QRICH1: variants seen among roughly 807,000 people sequenced by gnomAD.
QRICH1 encodes the protein glutamine rich 1.
A neutral mutation model predicts 87.1 loss-of-function variants in QRICH1; 16 were observed. The observed-to-expected ratio is 0.18, with a 90% CI of 0.12 to 0.28. QRICH1 has a LOEUF of 0.28. QRICH1 is among the 10% of genes least tolerant of loss of function. The pLI, the probability that QRICH1 is intolerant of heterozygous loss-of-function variation, is 1.00. For missense variants in QRICH1, 647 were observed against 951.7 expected, an observed-to-expected ratio of 0.68 and a Z score of 4.21; for synonymous variants, 367 against 368.4, an observed-to-expected ratio of 1.00 and a Z score of 0.05.
chr3:49,084,266 T>C (rs1182694537), intron 1 of QRICH1, among the ~76,000 whole-genome samples: 1 of 151,808 alleles, frequency 6.6e-6, no homozygotes, highest in East Asian at 2.0e-4. Flanking sequence ...TTTATTTTTA[T>C]TTTTATTGAG....
chr3:49,049,426 C>CA (rs2093357538), intron 3 of QRICH1, among the ~76,000 whole-genome samples: 1 of 151,884 alleles, frequency 6.6e-6, no homozygotes, highest in African/African-American at 2.4e-5. Context: ...GCCTGGGTGA[C>CA]ACAGAAAGAT....
At chr3:49,031,678 T>C (rs993145407) in intron 9 of QRICH1, among the ~76,000 whole-genome samples, 1 of 152,184 alleles carries the variant, frequency 6.6e-6, no homozygotes, top group African/African-American at 2.4e-5. Flanking sequence ...AGAGGCATAA[T>C]ATGATGTCCT....
chr3:49,058,510 G>C (rs1038737216), intron 2 of QRICH1, among the ~76,000 whole-genome samples: 4 of 152,086 alleles, frequency 2.6e-5, no homozygotes, highest in African/African-American at 9.7e-5. Flanking sequence ...ATTTTTAGTA[G>C]AGACGAGGTT....
chr3:49,076,632 TGATG>T (rs140760957), intron 2 of QRICH1, 73 bp downstream of exon 2: 128,012 of 1,305,500 alleles, frequency 0.098, 6,850 homozygotes, highest in Non-Finnish European at 0.11. Flanking sequence ...CACATAGATG[TGATG>T]AGCCCACTAA....
At chr3:49,076,049 C>G (rs2041944722) in intron 2 of QRICH1, among the ~76,000 whole-genome samples, 1 of 152,056 alleles carries the variant, frequency 6.6e-6, no homozygotes, top group Non-Finnish European at 1.5e-5. Context: ...CAAGACCAGC[C>G]TGGCCAACAT....
chr3:49,040,697 T>C (rs1438426770), intron 6 of QRICH1, among the ~76,000 whole-genome samples: 4 of 152,210 alleles, frequency 2.6e-5, no homozygotes, highest in Admixed American at 6.6e-5. Context: ...AAAACTCGGA[T>C]ATTTGCGTGA....
rs898900268 is a variant in QRICH1 at position 49,093,914 on chromosome 3, G to A, written c.-24C>T. On this transcript the variant is annotated splice_region_variant and 5_prime_UTR_variant, in exon 1 of 10. Coordinates refer to ENST00000395443, the MANE Select transcript of QRICH1 (RefSeq NM_198880.3). Reference sequence around the variant, plus strand: ...CCCACCCGCACTGGAGCCCTCACCCGGCGACGTCACTGCCGCCGCCGCCGC... The same window carrying A: ...CCCACCCGCACTGGAGCCCTCACCCAGCGACGTCACTGCCGCCGCCGCCGC... The A allele has an allele frequency of 1.3e-5, 2 of 159,522 alleles. No individual in the cohort carries two copies. The highest frequency in any genetic ancestry group is 2.8e-5 in the African/African-American group (1 of 36,210). The allele number at this position is 159,522 out of a possible 1,614,324, so 9.9% of individuals were successfully genotyped here.
At position 49,056,905 on chromosome 3, in the gene QRICH1, G is replaced by A; in HGVS notation, c.1295C>T (p.Pro432Leu). ...TTGCTGCTGCTGCTGCTGTGGTGGTGGTGTCTGTTCCTGGGGAGTTTGCTG... is the reference window on the plus strand; with the variant it reads ...TTGCTGCTGCTGCTGCTGTGGTGGTAGTGTCTGTTCCTGGGGAGTTTGCTG... ...PQQQTPQEQT[P>L]PPQQQQQQLQ... The change falls in exon 3 of 10, where the codon CCA becomes CTA. Residue 432 changes from proline to leucine, a missense_variant. Around this residue, in one of 7 missense-constraint regions of QRICH1, gnomAD observed 115 missense variants for 126.8 expected, o/e 0.91. Transcript: ENST00000395443. The A allele has an allele frequency of 6.2e-7, 1 of 1,614,066 alleles. No individual in the cohort carries two copies. Among genetic ancestry groups the A allele is most frequent in the Non-Finnish European group, 8.5e-7 (1 of 1,179,940 alleles).
Position 49,088,243 on chromosome 3 carries a change from G to A in QRICH1, c.-22+5669C>T, listed in dbSNP as rs1007525684. Among the ~76,000 whole-genome samples, 7 of 152,020 alleles carry A rather than the reference G, an allele frequency of 4.6e-5. No homozygotes were observed. In the East Asian group the frequency reaches 9.7e-4, roughly 21 times the overall value. On this transcript the variant is annotated intron_variant, in intron 1 of 9. Coordinates refer to ENST00000395443, the MANE Select transcript of QRICH1 (RefSeq NM_198880.3). ...GGTGGGATTACAGGCGTGAGCCACCGTGCCCGACCAGAATTGACGTATTTC... is the reference window on the plus strand; with the variant it reads ...GGTGGGATTACAGGCGTGAGCCACCATGCCCGACCAGAATTGACGTATTTC...
At chr3:49,044,319 C>G in intron 6 of QRICH1, 71 bp downstream of exon 6, 1 of 1,233,342 alleles carries the variant, frequency 8.1e-7, no homozygotes, top group Non-Finnish European at 1.2e-6. Flanking sequence ...TTTTCATAGC[C>G]AACCACAGAA....
At chr3:49,049,307 T>C (rs888157675) in intron 3 of QRICH1, among the ~76,000 whole-genome samples, 1 of 151,298 alleles carries the variant, frequency 6.6e-6, no homozygotes. Context: ...TAGCCAGGCA[T>C]AGTGGCTCAT....
intron 6 of QRICH1, among the ~76,000 whole-genome samples, chr3:49,035,245 G>T (rs906330887): frequency 5.9e-5 from 9 of 152,014 alleles, no homozygotes; most frequent in South Asian, 2.1e-4. Context: ...TATTTTTTTT[G>T]ATTTTTAGTG....
In QRICH1 at chr3:49,065,969, G is replaced by A. The variant is rs376577931; in HGVS notation, c.310-8079C>T. ...AAGTGCTGGGATTACAGGCCCCTAC[G>A]AGTCTCTTGAACTACCATTTGTGAA... On this transcript the variant is annotated intron_variant, in intron 2 of 9. Transcript: ENST00000395443. Among the ~76,000 whole-genome samples, 30 of 151,976 alleles carry A rather than the reference G, an allele frequency of 2.0e-4. 1 individual carries two copies. Among genetic ancestry groups the A allele is most frequent in the African/African-American group, 3.4e-4 (14 of 41,418 alleles).
At chr3:49,041,787 C>T (rs564592981) in intron 6 of QRICH1, among the ~76,000 whole-genome samples, 49 of 152,092 alleles carry the variant, frequency 3.2e-4, no homozygotes, top group Non-Finnish European at 4.9e-4. Flanking sequence ...CATGCCACCA[C>T]GTCCAGCTAA....
chr3:49,056,338 T>C (rs984285551), intron 3 of QRICH1, among the ~76,000 whole-genome samples: 1 of 152,128 alleles, frequency 6.6e-6, no homozygotes, highest in African/African-American at 2.4e-5. Context: ...AGCCTCCCAA[T>C]GGTGATCACT....
intron 2 of QRICH1, among the ~76,000 whole-genome samples, chr3:49,076,120 G>C (rs1294694818): frequency 6.6e-6 from 1 of 152,104 alleles, no homozygotes; most frequent in Non-Finnish European, 1.5e-5. Context: ...GCAGGCACCT[G>C]GAATCCCAGC....
chr3:49,041,987 G>T (rs1215892897), intron 6 of QRICH1, among the ~76,000 whole-genome samples: 1 of 151,820 alleles, frequency 6.6e-6, no homozygotes. Context: ...TGGCCAGGCT[G>T]GTGTCGGACT....
chr3:49,079,212 C>T (rs1181823201), intron 1 of QRICH1, among the ~76,000 whole-genome samples: 4 of 151,582 alleles, frequency 2.6e-5, no homozygotes, highest in African/African-American at 7.3e-5. Flanking sequence ...CCAGCCTAGG[C>T]GACAGAGCGT....
chr3:49,060,085 G>A (rs1253082219), intron 2 of QRICH1, among the ~76,000 whole-genome samples: 4 of 149,516 alleles, frequency 2.7e-5, no homozygotes, highest in Non-Finnish European at 4.5e-5. Context: ...GGGTTTCACC[G>A]TGTTAGCCAG....
Sources: gnomAD v4.1 joint callset for allele counts (sites outside exome capture counted in the v4.1 genomes callset) on GRCh38, gnomAD v4.1.1 for gene constraint, gnomAD v4.1.1 regional missense constraint, MANE v1.5 for transcripts, NCBI Gene and HGNC (gene_info 2026-07-23, HGNC 2026-07-21) for gene names.